HOOK3: variants seen among roughly 807,000 people sequenced by gnomAD.
The protein encoded by HOOK3 is protein Hook homolog 3.
In HOOK3, 24 loss-of-function variants were observed where a neutral mutation model predicts 116.3. That is an observed-to-expected ratio of 0.21 (90% CI 0.15 to 0.29). HOOK3 has a LOEUF of 0.29. Among genes scored for constraint, HOOK3 ranks in the 10% least tolerant of loss-of-function variants. HOOK3 has a pLI of 1.00. For missense variants in HOOK3, 632 were observed against 830.2 expected, an observed-to-expected ratio of 0.76 and a Z score of 2.93; for synonymous variants, 275 against 283.0, an observed-to-expected ratio of 0.97 and a Z score of 0.28.
intron 6 of HOOK3, among the ~76,000 whole-genome samples, chr8:42,953,255 TAAA>T (rs71231878): frequency 7.4e-5 from 8 of 107,410 alleles, no homozygotes; most frequent in East Asian, 2.6e-4. Context: ...GAGTTTATCC[TAAA>T]AAAAAAAAAA....
chr8:43,014,860 G>A (rs1259364060), intron 21 of HOOK3, among the ~76,000 whole-genome samples: 3 of 151,960 alleles, frequency 2.0e-5, no homozygotes, highest in African/African-American at 4.8e-5. Flanking sequence ...ACTGTGTAAC[G>A]ATGGCTCGGT....
intron 2 of HOOK3, among the ~76,000 whole-genome samples, chr8:42,911,324 G>C (rs182527488): frequency 3.5e-4 from 53 of 152,278 alleles, no homozygotes; most frequent in African/African-American, 1.2e-3. Flanking sequence ...GGTGGCGCAT[G>C]CCTGTAATCC....
chr8:42,998,289 C>T (rs1472317451), intron 16 of HOOK3: 2 of 152,324 alleles, frequency 1.3e-5, no homozygotes, highest in Non-Finnish European at 2.9e-5. Flanking sequence ...TTTTGCAAAT[C>T]CTTTATGTTT....
intron 15 of HOOK3, chr8:42,994,457 T>C (rs751065038): frequency 2.4e-5 from 10 of 415,056 alleles, no homozygotes; most frequent in Non-Finnish European, 4.4e-5. Context: ...TAAATTTCCC[T>C]CTTACTACGG....
In HOOK3 at chr8:43,018,634, G is replaced by T; in HGVS notation, c.*136G>T. The T allele has an allele frequency of 1.1e-6, 1 of 870,870 alleles. No individual in the cohort carries two copies. The highest frequency in any genetic ancestry group is 1.6e-6 in the Non-Finnish European group (1 of 615,620). The allele number at this position is 870,870 out of a possible 1,614,324, so 53.9% of individuals were successfully genotyped here. ...AATACTTAGTGTTTCTCATTTTGAG[G>T]ACTTTTTCTCTCTCCTGTATCTTTG... is the stretch of plus-strand genomic sequence containing the variant. On this transcript the variant is annotated 3_prime_UTR_variant, in exon 22 of 22. Transcript: ENST00000307602.
intron 17 of HOOK3, among the ~76,000 whole-genome samples, chr8:43,004,348 CAG>C (rs199810812): frequency 0.015 from 2,108 of 138,556 alleles, 25 homozygotes; most frequent in Non-Finnish European, 0.022. Flanking sequence ...GCCTGAGCAA[CAG>C]AGCAAGACTC....
intron 1 of HOOK3, among the ~76,000 whole-genome samples, chr8:42,898,859 A>G (rs547947507): frequency 6.6e-6 from 1 of 152,356 alleles, no homozygotes; most frequent in Admixed American, 6.5e-5. Context: ...AGCTTGGTCT[A>G]CCTTAAACGT....
At chr8:42,927,992 G>C (rs1043555047) in intron 3 of HOOK3, among the ~76,000 whole-genome samples, 2 of 151,922 alleles carry the variant, frequency 1.3e-5, no homozygotes, top group African/African-American at 4.8e-5. Context: ...AGTAAAAATA[G>C]AAAAATTAGG....
At position 43,022,033 on chromosome 8, in the gene HOOK3, G is replaced by T. The variant is rs1809839192; in HGVS notation, c.*3535G>T. The T allele has an allele frequency of 5.8e-6, 1 of 171,062 alleles. No homozygotes were observed. Among genetic ancestry groups the T allele is most frequent in the Non-Finnish European group, 1.2e-5 (1 of 84,104 alleles). The allele number at this position is 171,062 out of a possible 1,614,324, so 10.6% of individuals were successfully genotyped here. A position where few individuals can be genotyped will look rare whatever the true frequency, so the allele number is the denominator to read the frequency against. On this transcript the variant is annotated 3_prime_UTR_variant, in exon 22 of 22. Coordinates refer to ENST00000307602, the MANE Select transcript of HOOK3 (RefSeq NM_032410.4). ...AGTGTATTAGTTTCATTACATAGGAGAAATTATATTTCTAAACATTTTATG... is the reference window on the plus strand; with the variant it reads ...AGTGTATTAGTTTCATTACATAGGATAAATTATATTTCTAAACATTTTATG...
Position 43,027,326 on chromosome 8 carries a change from C to A in HOOK3, c.*8828C>A. ...ATATTCAAATCATAGTTCAAAAATA[C>A]TGAAATACTTGTTTATTATGTTACA... On this transcript the variant is annotated 3_prime_UTR_variant, in exon 22 of 22. Coordinates refer to ENST00000307602, the MANE Select transcript of HOOK3 (RefSeq NM_032410.4). The A allele has an allele frequency of 7.2e-6, 2 of 276,834 alleles. No homozygotes were observed. The highest frequency in any genetic ancestry group is 4.1e-5 in the South Asian group (1 of 24,584). 17.1% of individuals were successfully genotyped at this position (276,834 alleles called of 1,614,324 possible). A position where few individuals can be genotyped will look rare whatever the true frequency, so the allele number is the denominator to read the frequency against.
rs1473712392 is a variant in HOOK3 at position 43,019,841 on chromosome 8, T to C, written c.*1343T>C. On this transcript the variant is annotated 3_prime_UTR_variant, in exon 22 of 22. Transcript: ENST00000307602. ...GTCTTTTTTCTTGCAACGTAGCCCA[T>C]TTTTTGAAAGCAAAACATTTCTGAA... 1 of 203,788 alleles carries C rather than the reference T, an allele frequency of 4.9e-6. No homozygotes were observed. Among genetic ancestry groups the C allele is most frequent in the Non-Finnish European group, 1.0e-5 (1 of 99,546 alleles). The allele number at this position is 203,788 out of a possible 1,614,324, so 12.6% of individuals were successfully genotyped here.
chr8:42,940,313 C>G (rs1808084011), intron 4 of HOOK3, among the ~76,000 whole-genome samples: 1 of 152,330 alleles, frequency 6.6e-6, no homozygotes, highest in East Asian at 1.9e-4. Flanking sequence ...AACCCCGTCT[C>G]CACCAAAAAA....
chr8:42,917,044 C>T (rs1403581910), intron 2 of HOOK3, among the ~76,000 whole-genome samples: 3 of 152,206 alleles, frequency 2.0e-5, no homozygotes, highest in Admixed American at 6.5e-5. Flanking sequence ...CAGCCAACCA[C>T]AGATTCAAGG....
chr8:42,955,270 C>T (rs1476585270), intron 6 of HOOK3, among the ~76,000 whole-genome samples: 1 of 152,156 alleles, frequency 6.6e-6, no homozygotes, highest in Non-Finnish European at 1.5e-5. Context: ...CAGAGACCAA[C>T]TTTTCACATA....
intron 8 of HOOK3, among the ~76,000 whole-genome samples, chr8:42,963,117 T>TA (rs1404725284): frequency 1.3e-5 from 2 of 152,192 alleles, no homozygotes; most frequent in African/African-American, 4.8e-5. Context: ...TCTGACTTCT[T>TA]ACGTTATTTT....
intron 15 of HOOK3, among the ~76,000 whole-genome samples, chr8:42,989,786 A>G (rs1322035929): frequency 1.3e-5 from 2 of 151,976 alleles, no homozygotes; most frequent in Non-Finnish European, 2.9e-5. Flanking sequence ...CTCAAGCTCC[A>G]TGAGTTTAAT....
chr8:42,984,655 G>A (rs753367414), intron 14 of HOOK3, among the ~76,000 whole-genome samples: 16 of 152,058 alleles, frequency 1.1e-4, no homozygotes, highest in Non-Finnish European at 1.5e-4. Flanking sequence ...AAATGCCAGC[G>A]CTTCGGGAGG....
intron 14 of HOOK3, among the ~76,000 whole-genome samples, chr8:42,983,233 C>G (rs187768343): frequency 2.3e-3 from 345 of 150,958 alleles, no homozygotes; most frequent in Non-Finnish European, 3.6e-3. Context: ...ACTCGGGAGG[C>G]TGAGGCGGGA....
In HOOK3 at chr8:43,023,038, C is replaced by T. The variant is rs943134931; in HGVS notation, c.*4540C>T. 2.6e-5 allele frequency: 4 copies of T among 156,308 alleles called. No individual in the cohort carries two copies. The highest frequency in any genetic ancestry group is 9.6e-5 in the African/African-American group (4 of 41,564). 9.7% of individuals were successfully genotyped at this position (156,308 alleles called of 1,614,324 possible). A position where few individuals can be genotyped will look rare whatever the true frequency, so the allele number is the denominator to read the frequency against. On this transcript the variant is annotated 3_prime_UTR_variant, in exon 22 of 22. Coordinates refer to ENST00000307602, the MANE Select transcript of HOOK3 (RefSeq NM_032410.4). ...CCTGGCTAATATGGTGAAACCCCAT[C>T]TCTACTAAAAATACAGTATTAGCCA...
Sources: gnomAD v4.1 joint callset for allele counts (sites outside exome capture counted in the v4.1 genomes callset) on GRCh38, gnomAD v4.1.1 for gene constraint, MANE v1.5 for transcripts, NCBI Gene and HGNC (gene_info 2026-07-23, HGNC 2026-07-21) for gene names.